Variants in NKAIN2 observed in about 807,000 individuals in gnomAD.
NKAIN2 encodes sodium/potassium-transporting ATPase subunit beta-1-interacting protein 2.
Under a neutral mutation model 32.6 loss-of-function variants are expected in NKAIN2, and 14 were observed. The observed-to-expected ratio is 0.43, with a 90% CI of 0.28 to 0.67. The LOEUF (loss-of-function observed/expected upper bound fraction) is 0.67. Ranked by LOEUF, NKAIN2 falls within the 30% of genes least tolerant of loss-of-function variation. The pLI is 0.17. For missense variants in NKAIN2, 198 were observed against 258.3 expected (o/e 0.77, Z 1.60); for synonymous variants, 80 against 87.2 (o/e 0.92, Z 0.46).
chr6:124,479,761 T>C (rs582822), intron 3 of NKAIN2, among the ~76,000 whole-genome samples: 20,971 of 148,612 alleles, frequency 0.14, 1,798 homozygotes, highest in East Asian at 0.25. Flanking sequence ...TATGGAAAAA[T>C]TGTTAATACT....
chr6:123,974,627 G>A (rs891263882), intron 1 of NKAIN2, among the ~76,000 whole-genome samples: 2 of 152,118 alleles, frequency 1.3e-5, no homozygotes, highest in Non-Finnish European at 2.9e-5. Context: ...CGGGCAAAAG[G>A]TTGACCATTG....
In NKAIN2 at chr6:124,825,101, G is replaced by A. The variant is rs886166671; in HGVS notation, c.*1872G>A. 1 of 152,542 alleles carries A rather than the reference G, an allele frequency of 6.6e-6. No individual in the cohort carries two copies. Among genetic ancestry groups the A allele is most frequent in the African/African-American group, 2.4e-5 (1 of 41,422 alleles). The allele number at this position is 152,542 out of a possible 1,614,324, so 9.4% of individuals were successfully genotyped here. A position where few individuals can be genotyped will look rare whatever the true frequency, so the allele number is the denominator to read the frequency against. Reference sequence around the variant, plus strand: ...ATGTATGAGAAAAATATTTACCAATGTATTGTCCTTTGAGTCCTAAAATAT... The same window carrying A: ...ATGTATGAGAAAAATATTTACCAATATATTGTCCTTTGAGTCCTAAAATAT... On this transcript the variant is annotated 3_prime_UTR_variant, in exon 7 of 7. Transcript: ENST00000368417.
At chr6:123,810,879 C>G (rs1207089991) in intron 1 of NKAIN2, among the ~76,000 whole-genome samples, 4 of 152,112 alleles carry the variant, frequency 2.6e-5, no homozygotes, top group Non-Finnish European at 5.9e-5. Flanking sequence ...TATGCTTGAA[C>G]ACATTTTGAA....
intron 4 of NKAIN2, among the ~76,000 whole-genome samples, chr6:124,695,834 G>A (rs1774472059): frequency 6.6e-6 from 1 of 152,152 alleles, no homozygotes; most frequent in South Asian, 2.1e-4. Flanking sequence ...AAGGGCCATG[G>A]CCAACACTCC....
chr6:124,049,761 C>T (rs574696518), intron 1 of NKAIN2, among the ~76,000 whole-genome samples: 138 of 152,124 alleles, frequency 9.1e-4, no homozygotes, highest in Non-Finnish European at 1.7e-3. Context: ...TGCCCATTAG[C>T]CACATAGTCG....
intron 3 of NKAIN2, among the ~76,000 whole-genome samples, chr6:124,570,120 G>T (rs1781070664): frequency 6.6e-6 from 1 of 152,182 alleles, no homozygotes; most frequent in Non-Finnish European, 1.5e-5. Flanking sequence ...GAACATGAGA[G>T]CGTTGATTTA....
chr6:123,909,706 A>G (rs960974143), intron 1 of NKAIN2, among the ~76,000 whole-genome samples: 1 of 152,132 alleles, frequency 6.6e-6, no homozygotes, highest in African/African-American at 2.4e-5. Context: ...GGGCCTCTTT[A>G]TGTGTTCCAC....
intron 5 of NKAIN2, among the ~76,000 whole-genome samples, chr6:124,809,591 A>G (rs1198943719): frequency 9.9e-5 from 15 of 150,784 alleles, no homozygotes; most frequent in Admixed American, 9.3e-4. Flanking sequence ...TTCATGTCTA[A>G]AACACCAAAA....
intron 1 of NKAIN2, among the ~76,000 whole-genome samples, chr6:124,175,291 G>T (rs1002391221): frequency 5.3e-5 from 8 of 152,170 alleles, no homozygotes; most frequent in African/African-American, 1.9e-4. Context: ...CTGCACATCT[G>T]TATGAAGGCA....
chr6:124,011,760 T>C (rs1348409145), intron 1 of NKAIN2, among the ~76,000 whole-genome samples: 1 of 152,206 alleles, frequency 6.6e-6, no homozygotes, highest in Non-Finnish European at 1.5e-5. Flanking sequence ...TAGGCCTACA[T>C]CAAATTTTAA....
At chr6:124,410,013 T>A (rs955835219) in intron 3 of NKAIN2, among the ~76,000 whole-genome samples, 1 of 152,218 alleles carries the variant, frequency 6.6e-6, no homozygotes, top group Non-Finnish European at 1.5e-5. Context: ...GATGGTAGTT[T>A]GTATTTCTGT....
chr6:124,094,490 CAT>C (rs779473340), intron 1 of NKAIN2, among the ~76,000 whole-genome samples: 10 of 152,116 alleles, frequency 6.6e-5, no homozygotes, highest in African/African-American at 1.2e-4. Context: ...CAGGAATCCA[CAT>C]GTTAGGTGCT....
At chr6:124,065,457 T>A (rs1291883031) in intron 1 of NKAIN2, among the ~76,000 whole-genome samples, 1 of 152,160 alleles carries the variant, frequency 6.6e-6, no homozygotes, top group African/African-American at 2.4e-5. Context: ...AGGAAGTTAT[T>A]CACTCATGGG....
At chr6:124,282,201 A>G (rs1027893124) in intron 1 of NKAIN2, 1 of 308,824 alleles carries the variant, frequency 3.2e-6, no homozygotes, top group African/African-American at 2.3e-5. Flanking sequence ...CTCACTGCTT[A>G]GATTTTTATA....
chr6:124,754,099 C>T (rs1777851096), intron 4 of NKAIN2, among the ~76,000 whole-genome samples: 1 of 152,054 alleles, frequency 6.6e-6, no homozygotes, highest in African/African-American at 2.4e-5. Flanking sequence ...CTGCATTGCA[C>T]CTGCATTAGT....
At chr6:123,982,774 G>C (rs888566801) in intron 1 of NKAIN2, among the ~76,000 whole-genome samples, 2 of 152,086 alleles carry the variant, frequency 1.3e-5, no homozygotes, top group African/African-American at 4.8e-5. Flanking sequence ...ATAGTGAACA[G>C]GTGGCAAAAG....
At chr6:123,929,610 A>G (rs937802756) in intron 1 of NKAIN2, among the ~76,000 whole-genome samples, 22 of 152,132 alleles carry the variant, frequency 1.4e-4, no homozygotes, top group African/African-American at 5.3e-4. Flanking sequence ...ATTATGAAGT[A>G]TTTACATTAC....
chr6:124,693,747 C>T (rs1268128978), intron 4 of NKAIN2, among the ~76,000 whole-genome samples: 1 of 152,172 alleles, frequency 6.6e-6, no homozygotes, highest in Non-Finnish European at 1.5e-5. Flanking sequence ...CAGGGAGTGT[C>T]ATACCAGAGG....
intron 2 of NKAIN2, among the ~76,000 whole-genome samples, chr6:124,312,892 G>A (rs752656860): frequency 6.6e-6 from 1 of 151,984 alleles, no homozygotes; most frequent in Non-Finnish European, 1.5e-5. Context: ...AATACCTATG[G>A]TCAGCTCCAA....
Sources: gnomAD v4.1 joint callset for allele counts (sites outside exome capture counted in the v4.1 genomes callset) on GRCh38, gnomAD v4.1.1 for gene constraint, MANE v1.5 for transcripts, NCBI Gene and HGNC (gene_info 2026-07-23, HGNC 2026-07-21) for gene names.